The following ATAD3C variants were observed in gnomAD, a reference collection of about 807,000 sequenced individuals.
ATAD3C encodes ATPase family AAA domain containing 3C, also known as ATPase family AAA domain-containing protein 3C.
In ATAD3C, 38 loss-of-function variants were observed where a neutral mutation model predicts 46.3. The ratio of observed to expected loss-of-function variants is 0.82; its 90% CI spans 0.63 to 1.08. The LOEUF (loss-of-function observed/expected upper bound fraction) is 1.08. ATAD3C is among the 50% of genes least tolerant of loss of function. The pLI is 0.00. For missense variants in ATAD3C, 563 were observed against 572.7 expected, an observed-to-expected ratio of 0.98 and a Z score of 0.17; for synonymous variants, 220 against 236.4, an observed-to-expected ratio of 0.93 and a Z score of 0.63.
chr1:1,466,006 T>C (rs1218464079), intron 11 of ATAD3C, among the ~76,000 whole-genome samples: 5 of 151,794 alleles, frequency 3.3e-5, no homozygotes, highest in Admixed American at 3.3e-4. Context: ...ATCATAAAAG[T>C]GTGAGGTGGG....
intron 11 of ATAD3C, among the ~76,000 whole-genome samples, chr1:1,468,044 C>T (rs1425887686): frequency 6.6e-6 from 1 of 151,820 alleles, no homozygotes; most frequent in Non-Finnish European, 1.5e-5. Context: ...GGGGGCACTG[C>T]CTGACCACGG....
intron 9 of ATAD3C, among the ~76,000 whole-genome samples, 200 bp from the exon 10 acceptor site, chr1:1,460,550 A>AG (rs1397326409): frequency 6.6e-6 from 1 of 151,982 alleles, no homozygotes; most frequent in Non-Finnish European, 1.5e-5. Flanking sequence ...GAAGCCGGGC[A>AG]GGGGGACAGC....
In ATAD3C at chr1:1,459,227, A is replaced by C. The variant is rs1639017448; in HGVS notation, c.808A>C (p.Asn270His). The C allele has an allele frequency of 1.9e-6, 3 of 1,612,606 alleles. No homozygotes were observed. In the South Asian group the frequency reaches 3.3e-5, roughly 18 times the overall value. Reference sequence around the variant, plus strand: ...CCTGTACCGCACGGGCCAGCACAGCAACAAGTGAGGGAGCCCCTCGGGTCC... The same window carrying C: ...CCTGTACCGCACGGGCCAGCACAGCCACAAGTGAGGGAGCCCCTCGGGTCC... ...AFLYRTGQHSNKFMLILASCH... is the reference protein window; with the variant it reads ...AFLYRTGQHSHKFMLILASCH... The change falls in exon 9 of 12, where the codon AAC becomes CAC. Residue 270 changes from asparagine (N) to histidine (H), a missense_variant. Physicochemically the swap from Asn to His is moderately conservative, Grantham distance 68 (BLOSUM62 1). Transcript: ENST00000378785. This position sits in a 1 kb window ranked among gnomAD's most constrained non-coding sequence, Gnocchi z 4.9.
rs750062448 is a variant in ATAD3C at position 1,468,269 on chromosome 1, G to A, written c.1090-115G>A. 6.2e-4 allele frequency: 892 copies of A among 1,443,798 alleles called. 17 individuals are homozygous for A. The highest frequency in any genetic ancestry group is 7.5e-4 in the Non-Finnish European group (819 of 1,095,110). 89.4% of individuals were successfully genotyped at this position (1,443,798 alleles called of 1,614,324 possible). On this transcript the variant is annotated intron_variant, in intron 11 of 11. Coordinates refer to ENST00000378785, the MANE Select transcript of ATAD3C (RefSeq NM_001039211.3). ...GAGGTGCGGGTAGCCTGTGTTTCACGCTCAGGCCATCCTGGAGCCCCTGGT... is the reference window on the plus strand; with the variant it reads ...GAGGTGCGGGTAGCCTGTGTTTCACACTCAGGCCATCCTGGAGCCCCTGGT...
At chr1:1,467,119 G>C (rs1356220883) in intron 11 of ATAD3C, among the ~76,000 whole-genome samples, 1 of 152,044 alleles carries the variant, frequency 6.6e-6, no homozygotes, top group African/African-American at 2.4e-5. Flanking sequence ...CCGCGACCAG[G>C]TTTTGCCCCA....
intron 8 of ATAD3C, 84 bp downstream of exon 8, chr1:1,457,264 T>C: frequency 1.9e-6 from 3 of 1,590,884 alleles, no homozygotes; most frequent in Non-Finnish European, 2.6e-6. Flanking sequence ...CGCAGCCCAC[T>C]GCTCAATTTC....
intron 9 of ATAD3C, among the ~76,000 whole-genome samples, chr1:1,460,069 A>AT (rs746685483): frequency 0.095 from 11,756 of 124,188 alleles, 1,388 homozygotes; most frequent in East Asian, 0.46. Flanking sequence ...GCGTGGCAGT[A>AT]TTTTTTTTTT....
In ATAD3C at chr1:1,455,805, A is replaced by T; in HGVS notation, c.453A>T (p.Ala151=). ...EGVVLSPSLE[A]RVRDIAIMTR... is the part of the protein sequence containing the mutation. ...TTCCTCGGCAGCCCAGCCTGGAAGC[A>T]CGGGTGCGCGACATCGCCATAATGA... Residue 151 remains alanine, a synonymous_variant, in exon 6 of 12, where the codon GCA becomes GCT. Transcript: ENST00000378785. The T allele has an allele frequency of 1.2e-6, 2 of 1,613,410 alleles. No individual in the cohort carries two copies. Among genetic ancestry groups the T allele is most frequent in the South Asian group, 2.2e-5 (2 of 91,020 alleles).
rs1369871658 is a variant in ATAD3C at position 1,468,789 on chromosome 1, ACGGCGGGGCCGGGTGCC to A, written c.*262_*278del. The A allele has an allele frequency of 1.6e-6, 1 of 629,530 alleles. No individual in the cohort carries two copies. The highest frequency in any genetic ancestry group is 2.6e-6 in the Non-Finnish European group (1 of 389,746). The allele number at this position is 629,530 out of a possible 1,614,324, so 39.0% of individuals were successfully genotyped here. ...GTGGGCTTCACAGGAGGTGGCTGCC[ACGGCGGGGCCGGGTGCC>A]CGTGCCCCATCCTGAGGCCGTGCAT... On this transcript the variant is annotated 3_prime_UTR_variant, in exon 12 of 12. Transcript: ENST00000378785.
chr1:1,462,582 TG>T lies in ATAD3C; in HGVS notation c.981-15del. 6.3e-7 allele frequency: 1 copy of T among 1,578,238 alleles called. No homozygotes were observed. The highest frequency in any genetic ancestry group is 8.6e-7 in the Non-Finnish European group (1 of 1,161,956). On this transcript the variant is annotated splice_polypyrimidine_tract_variant and intron_variant, in intron 10 of 11. Transcript: ENST00000378785. This position sits in a 1 kb window ranked among gnomAD's most constrained non-coding sequence, Gnocchi z 4.5. Reference sequence around the variant, plus strand: ...GAGCTGCTGCCTTGGCCGGCCCACTTGGGAACTCCTTCCCCAGGCGTCTGAA... The same window carrying T: ...GAGCTGCTGCCTTGGCCGGCCCACTTGGAACTCCTTCCCCAGGCGTCTGAA...
At chr1:1,452,021 C>T (rs753321251) in intron 1 of ATAD3C, 25 bp from the exon 2 acceptor site, 1 of 1,612,878 alleles carries the variant, frequency 6.2e-7, no homozygotes, top group East Asian at 2.2e-5. Flanking sequence ...AAAGGCTTTT[C>T]TCTTTTTCTG....
At position 1,450,322 on chromosome 1, in the gene ATAD3C, CAA is replaced by C. The variant is rs538836491; in HGVS notation, c.-344_-343del. On this transcript the variant is annotated 5_prime_UTR_variant, in exon 1 of 12. It removes the in-frame stop codon of an upstream open reading frame in the 5' UTR. Transcript: ENST00000378785. The stretch of plus-strand genomic sequence containing the variant: ...CCTGGGCCAGAATGAGACTCCGTCT[CAA>C]AAAAAAAAAAAAAAAAAGCATGTGT... 27,833 of 108,990 alleles carry C rather than the reference CAA, an allele frequency of 0.26. 3,456 individuals are homozygous for C. Among genetic ancestry groups the C allele is most frequent in the East Asian group, 0.73 (3,557 of 4,892 alleles). 6.8% of individuals were successfully genotyped at this position (108,990 alleles called of 1,614,324 possible).
chr1:1,451,039 G>C (rs575431225), intron 1 of ATAD3C, among the ~76,000 whole-genome samples: 1 of 151,488 alleles, frequency 6.6e-6, no homozygotes, highest in South Asian at 2.1e-4. Flanking sequence ...CTTTGACTCA[G>C]CAGGATTTTT....
intron 3 of ATAD3C, among the ~76,000 whole-genome samples, chr1:1,453,941 G>A (rs999704350): frequency 2.6e-5 from 4 of 151,922 alleles, no homozygotes; most frequent in South Asian, 2.1e-4. Context: ...GTGCCCAGCC[G>A]GCCTAATTGA....
chr1:1,468,017 G>C (rs188826254), intron 11 of ATAD3C, among the ~76,000 whole-genome samples: 1,224 of 150,580 alleles, frequency 8.1e-3, no homozygotes, highest in African/African-American at 0.029. Context: ...CTGAGGGTCT[G>C]AGGTGCACTA....
intron 1 of ATAD3C, 40 bp downstream of exon 1, chr1:1,450,798 A>G (rs1024081620): frequency 6.2e-7 from 1 of 1,609,618 alleles, no homozygotes; most frequent in Non-Finnish European, 8.5e-7. Flanking sequence ...CGGGGCACAC[A>G]TGGGGTTCGG....
chr1:1,454,676 T>A (rs113156348), intron 4 of ATAD3C, among the ~76,000 whole-genome samples, 176 bp downstream of exon 4: 16,844 of 149,156 alleles, frequency 0.11, 2,289 homozygotes, highest in East Asian at 0.45. Context: ...GGGGTCTGCA[T>A]CAGTGAGACC....
At chr1:1,455,242 A>C (rs1335824246) in intron 4 of ATAD3C, among the ~76,000 whole-genome samples, 2 of 144,402 alleles carry the variant, frequency 1.4e-5, no homozygotes, top group East Asian at 2.2e-4. Flanking sequence ...AAAAAAAAAA[A>C]ACCCAGAAAA....
At position 1,468,637 on chromosome 1, in the gene ATAD3C, G is replaced by A. The variant is rs1639185888; in HGVS notation, c.*107G>A. ...ATACTCCCCGTAATAAAGTCCCACG[G>A]GGGCCGCACCGCTGTGTCTATTGGC... On this transcript the variant is annotated 3_prime_UTR_variant, in exon 12 of 12. Coordinates refer to ENST00000378785, the MANE Select transcript of ATAD3C (RefSeq NM_001039211.3). 1.3e-6 allele frequency: 2 copies of A among 1,576,000 alleles called. No homozygotes were observed. Among genetic ancestry groups the A allele is most frequent in the South Asian group, 2.3e-5 (2 of 88,308 alleles).
Sources: allele counts gnomAD v4.1 joint callset (sites outside exome capture counted in the v4.1 genomes callset), GRCh38; gene constraint gnomAD v4.1.1; non-coding constraint Gnocchi (gnomAD v3.1); transcripts MANE v1.5; gene names NCBI Gene and HGNC (gene_info 2026-07-23, HGNC 2026-07-21).